Variants in CCDC149 observed in about 807,000 individuals in gnomAD.
CCDC149 encodes the protein coiled-coil domain containing 149, also known as coiled-coil domain-containing protein 149.
CCDC149 carries 45 observed loss-of-function variants against 59.9 expected under a neutral mutation model. The ratio of observed to expected loss-of-function variants is 0.75; its 90% CI spans 0.59 to 0.96. CCDC149 has a LOEUF of 0.96. CCDC149 is among the 40% of genes least tolerant of loss of function. The pLI, the probability that CCDC149 is intolerant of heterozygous loss-of-function variation, is 0.00. For missense variants in CCDC149, 584 were observed against 664.7 expected, an observed-to-expected ratio of 0.88 and a Z score of 1.33; for synonymous variants, 245 against 260.6, an observed-to-expected ratio of 0.94 and a Z score of 0.58.
intron 1 of CCDC149, among the ~76,000 whole-genome samples, chr4:24,924,979 C>T (rs1262003431): frequency 6.6e-6 from 1 of 152,094 alleles, no homozygotes; most frequent in African/African-American, 2.4e-5. Context: ...TCGAAGACAC[C>T]CAAAGTTTTG....
At chr4:24,975,588 A>G (rs1724150802) in intron 1 of CCDC149, among the ~76,000 whole-genome samples, 1 of 141,154 alleles carries the variant, frequency 7.1e-6, no homozygotes, top group Non-Finnish European at 1.5e-5. Context: ...GAGGAGAGGG[A>G]AGGGGAGGAG....
At chr4:24,904,275 G>C (rs903038792) in intron 1 of CCDC149, among the ~76,000 whole-genome samples, 3 of 152,122 alleles carry the variant, frequency 2.0e-5, no homozygotes, top group Admixed American at 6.5e-5. Context: ...ATTAATTCAT[G>C]AGTACAAAAT....
At chr4:24,830,414 C>G (rs1015057301) in intron 9 of CCDC149, 1 of 152,252 alleles carries the variant, frequency 6.6e-6, no homozygotes, top group African/African-American at 2.4e-5. Context: ...AATAAATTAC[C>G]CGTGTCATCC....
intron 3 of CCDC149, among the ~76,000 whole-genome samples, chr4:24,860,126 G>T (rs184998054): frequency 3.7e-4 from 56 of 152,098 alleles, no homozygotes; most frequent in Admixed American, 9.2e-4. Flanking sequence ...AAAAGAGCCC[G>T]CATAGCCAAA....
At chr4:24,968,394 A>T (rs1723866609) in intron 1 of CCDC149, among the ~76,000 whole-genome samples, 1 of 152,228 alleles carries the variant, frequency 6.6e-6, no homozygotes, top group East Asian at 1.9e-4. Flanking sequence ...TTCACGGGTA[A>T]CAAATTCCCA....
rs1323769135 is a variant in CCDC149 at position 24,822,708 on chromosome 4, T to C, written c.966-135A>G. Reference sequence around the variant, plus strand: ...GCAAAAAATGGAGTATTTGTATGTATGTGTGTGTAAATAATATGTGCTCTA... The same window carrying C: ...GCAAAAAATGGAGTATTTGTATGTACGTGTGTGTAAATAATATGTGCTCTA... On this transcript the variant is annotated intron_variant, in intron 9 of 12. Transcript: ENST00000635206. 7.3e-6 allele frequency: 4 copies of C among 547,628 alleles called. No individual in the cohort carries two copies. The Admixed American group carries it at 1.1e-4, about 16-fold the overall frequency. The allele number at this position is 547,628 out of a possible 1,614,324, so 33.9% of individuals were successfully genotyped here.
chr4:24,913,105 C>G (rs1028746289), upstream of CCDC149, among the ~76,000 whole-genome samples: 1 of 150,454 alleles, frequency 6.6e-6, no homozygotes, highest in Non-Finnish European at 1.5e-5. Flanking sequence ...GGGCCGCAGC[C>G]GAGCCCCGCC....
chr4:24,811,872 CA>C (rs35269758), intron 12 of CCDC149, among the ~76,000 whole-genome samples: 103,169 of 135,026 alleles, frequency 0.76, 40,366 homozygotes, highest in South Asian at 0.87. Flanking sequence ...GACTCCGACT[CA>C]AAAAAAAAAA....
At chr4:24,872,496 T>C (rs1392027031) in intron 3 of CCDC149, among the ~76,000 whole-genome samples, 9 of 151,962 alleles carry the variant, frequency 5.9e-5, no homozygotes, top group Non-Finnish European at 1.3e-4. Context: ...ACCCACAGAA[T>C]GGTATGCACC....
intron 4 of CCDC149, among the ~76,000 whole-genome samples, 196 bp downstream of exon 4, chr4:24,852,876 C>G (rs948808397): frequency 3.9e-5 from 6 of 152,074 alleles, no homozygotes; most frequent in African/African-American, 1.4e-4. Flanking sequence ...GAGAAACACA[C>G]ATATACATGC....
intron 1 of CCDC149, among the ~76,000 whole-genome samples, chr4:24,892,587 C>T (rs1234997214): frequency 2.6e-5 from 4 of 152,208 alleles, no homozygotes; most frequent in Non-Finnish European, 5.9e-5. Flanking sequence ...AGCCAAAACA[C>T]TGATGGCAGG....
At chr4:24,923,101 A>G (rs1722343939) in intron 1 of CCDC149, among the ~76,000 whole-genome samples, 1 of 152,172 alleles carries the variant, frequency 6.6e-6, no homozygotes, top group African/African-American at 2.4e-5. Flanking sequence ...AAGATGGTCT[A>G]TAGGGAACAA....
At position 24,874,270 on chromosome 4, in the gene CCDC149, TTTTTG is replaced by T. The variant is rs1560230633; in HGVS notation, c.226-556_226-552del. Among the ~76,000 whole-genome samples, 121 of 45,242 alleles carry T rather than the reference TTTTTG, an allele frequency of 2.7e-3. 12 individuals are homozygous for T. Among genetic ancestry groups the T allele is most frequent in the African/African-American group, 3.8e-3 (61 of 16,054 alleles). 29.7% of individuals were successfully genotyped at this position (45,242 alleles called of 152,430 possible). A position where few individuals can be genotyped will look rare whatever the true frequency, so the allele number is the denominator to read the frequency against. On this transcript the variant is annotated intron_variant, in intron 2 of 12. Coordinates refer to ENST00000635206, the MANE Select transcript of CCDC149 (RefSeq NM_001330643.2). ...TTTTTTTTTTTTTTTGTTTTGTTTTTTTTTGTTTTTTTGCCTTAAAAGGATTCTGG... is the reference window on the plus strand; with the variant it reads ...TTTTTTTTTTTTTTTGTTTTGTTTTTTTTTTTTGCCTTAAAAGGATTCTGG...
chr4:24,868,962 C>T (rs1269707184), intron 3 of CCDC149, among the ~76,000 whole-genome samples: 3 of 152,158 alleles, frequency 2.0e-5, no homozygotes, highest in East Asian at 1.9e-4. Context: ...TAGTATCTAC[C>T]GCACACGGCT....
At chr4:24,961,911 A>C (rs1723643683) in intron 1 of CCDC149, among the ~76,000 whole-genome samples, 1 of 152,046 alleles carries the variant, frequency 6.6e-6, no homozygotes, top group Non-Finnish European at 1.5e-5. Context: ...CAGGGACTTC[A>C]TGTCTAAAAC....
intron 12 of CCDC149, among the ~76,000 whole-genome samples, chr4:24,817,198 A>G (rs1292358403): frequency 6.6e-6 from 1 of 152,168 alleles, no homozygotes; most frequent in Non-Finnish European, 1.5e-5. Context: ...GAGGCTCAGC[A>G]AGCCTAGAAC....
At chr4:24,917,217 C>T (rs965334779), upstream of CCDC149, among the ~76,000 whole-genome samples, 8 of 152,344 alleles carry the variant, frequency 5.3e-5, no homozygotes, top group East Asian at 1.9e-4. Context: ...GGTCCTCTCA[C>T]GGCCACCCCT....
At chr4:24,959,008 C>G (rs370226913) in intron 1 of CCDC149, among the ~76,000 whole-genome samples, 2 of 152,122 alleles carry the variant, frequency 1.3e-5, no homozygotes, top group Admixed American at 6.5e-5. Flanking sequence ...AGCCACAGCT[C>G]TGTCGCCCAG....
At chr4:24,813,332 A>G (rs1258228622) in intron 12 of CCDC149, among the ~76,000 whole-genome samples, 1 of 151,732 alleles carries the variant, frequency 6.6e-6, no homozygotes, top group Non-Finnish European at 1.5e-5. Context: ...CACTCAGTCT[A>G]TGGTAGTCTG....
Sources: gnomAD v4.1 joint callset for allele counts (sites outside exome capture counted in the v4.1 genomes callset) on GRCh38, gnomAD v4.1.1 for gene constraint, MANE v1.5 for transcripts, NCBI Gene and HGNC (gene_info 2026-07-23, HGNC 2026-07-21) for gene names.